The following AZI2 variants were observed in gnomAD, a reference collection of about 807,000 sequenced individuals.
AZI2 encodes the protein 5-azacytidine induced 2, also known as 5-azacytidine-induced protein 2.
A neutral mutation model predicts 45.8 loss-of-function variants in AZI2; 22 were observed. The observed-to-expected ratio is 0.48, with a 90% CI of 0.34 to 0.69. The LOEUF is 0.69. Among genes scored for constraint, AZI2 ranks in the 30% least tolerant of loss-of-function variants. AZI2 has a pLI of 0.01. For missense variants in AZI2, 417 were observed against 441.5 expected (o/e 0.94, Z 0.50); for synonymous variants, 137 against 156.7 (o/e 0.87, Z 0.94).
chr3:28,337,883 A>G, intron 4 of AZI2, 54 bp downstream of exon 4: 6 of 1,182,394 alleles, frequency 5.1e-6, no homozygotes, highest in Non-Finnish European at 7.0e-6. Context: ...ATTACAAATA[A>G]ATGGAAAAAT....
intron 1 of AZI2, chr3:28,348,288 C>T (rs1704346700): frequency 6.6e-6 from 1 of 151,424 alleles, no homozygotes; most frequent in Non-Finnish European, 1.5e-5. Flanking sequence ...TTAGCAGTCT[C>T]AATGAATGAA....
intron 2 of AZI2, 75 bp downstream of exon 2, chr3:28,340,327 A>C (rs1703961991): frequency 9.7e-7 from 1 of 1,028,178 alleles, no homozygotes; most frequent in Admixed American, 2.5e-5. Flanking sequence ...ACAGGACAAA[A>C]AGTATTCAAA....
chr3:28,337,893 T>TA, intron 4 of AZI2, 44 bp downstream of exon 4: 1 of 1,235,512 alleles, frequency 8.1e-7, no homozygotes, highest in East Asian at 2.6e-5. Context: ...AATGGAAAAA[T>TA]ATGTTAATTC....
chr3:28,335,768 G>A (rs1481719266), intron 5 of AZI2, among the ~76,000 whole-genome samples: 3 of 151,994 alleles, frequency 2.0e-5, no homozygotes, highest in Non-Finnish European at 4.4e-5. Flanking sequence ...CAGGAAGTAT[G>A]GGATGGAGTT....
Position 28,338,011 on chromosome 3 carries a change from TTC to T in AZI2, c.363_364del (p.Lys122SerfsTer4). ...AGATTGTAGCTGCTCATTCAATACT[TTC>T]AAAGATTCAGAGTTGTCTTTATTCT... On this transcript the variant is annotated frameshift_variant, in exon 4 of 8. Transcript: ENST00000479665. LOFTEE classifies it high-confidence loss of function. 6.3e-7 allele frequency: 1 copy of T among 1,591,978 alleles called. No homozygotes were observed. Among genetic ancestry groups the T allele is most frequent in the Non-Finnish European group, 8.6e-7 (1 of 1,167,954 alleles).
chr3:28,338,778 A>G (rs890866537), intron 2 of AZI2, among the ~76,000 whole-genome samples, 163 bp from the exon 3 acceptor site: 3 of 152,148 alleles, frequency 2.0e-5, no homozygotes, highest in African/African-American at 2.4e-5. Context: ...CTTTACATAG[A>G]AAGCAAAAAT....
chr3:28,343,343 A>AACT (rs781580561), intron 1 of AZI2, among the ~76,000 whole-genome samples: 42 of 151,978 alleles, frequency 2.8e-4, no homozygotes, highest in Non-Finnish European at 4.7e-4. Flanking sequence ...CAGGGGAACA[A>AACT]GTTCAAAGAT....
intron 6 of AZI2, among the ~76,000 whole-genome samples, chr3:28,327,355 TTA>T (rs1703424909): frequency 6.6e-6 from 1 of 151,124 alleles, no homozygotes; most frequent in African/African-American, 2.4e-5. Flanking sequence ...CAATTTGTAT[TTA>T]TCTTTTGATT....
chr3:28,327,131 A>G, intron 6 of AZI2, 181 bp from the exon 7 acceptor site: 1 of 540,280 alleles, frequency 1.9e-6, no homozygotes, highest in Non-Finnish European at 3.3e-6. Flanking sequence ...TCTTGAAAGA[A>G]TAACACTGTC....
At position 28,321,517 on chromosome 3, in the gene AZI2, A is replaced by G. The variant is rs1010379802; in HGVS notation, c.*2525T>C. ...GAATACCCATGTGTATCCATACTGA[A>G]GATTTTTTTCACCTGGTACATCTGT... On this transcript the variant is annotated 3_prime_UTR_variant, in exon 8 of 8. Transcript: ENST00000479665. 33 of 151,368 alleles carry G rather than the reference A, an allele frequency of 2.2e-4. No homozygotes were observed. The highest frequency in any genetic ancestry group is 7.5e-4 in the African/African-American group (31 of 41,350). The allele number at this position is 151,368 out of a possible 1,614,324, so 9.4% of individuals were successfully genotyped here.
intron 1 of AZI2, among the ~76,000 whole-genome samples, chr3:28,343,168 G>A (rs1167804576): frequency 6.6e-6 from 1 of 152,046 alleles, no homozygotes; most frequent in Non-Finnish European, 1.5e-5. Context: ...TGAAACAACA[G>A]AATGTTATGG....
At chr3:28,338,267 A>G (rs1316010541) in intron 3 of AZI2, among the ~76,000 whole-genome samples, 1 of 152,026 alleles carries the variant, frequency 6.6e-6, no homozygotes, top group African/African-American at 2.4e-5. Context: ...GTTTTTCAAA[A>G]TAAGTCGGTG....
intron 1 of AZI2, chr3:28,348,035 G>C (rs1239690148): frequency 6.6e-6 from 1 of 152,236 alleles, no homozygotes; most frequent in Non-Finnish European, 1.5e-5. Flanking sequence ...TCGCTTTCGA[G>C]TATTGGGGTT....
chr3:28,334,071 T>A (rs1353654533), intron 5 of AZI2, among the ~76,000 whole-genome samples: 1 of 151,562 alleles, frequency 6.6e-6, no homozygotes, highest in Middle Eastern at 3.4e-3. Context: ...AAAAGGCCCA[T>A]AGTGGAACTG....
At chr3:28,342,545 C>T (rs992562765) in intron 1 of AZI2, among the ~76,000 whole-genome samples, 5 of 152,022 alleles carry the variant, frequency 3.3e-5, no homozygotes, top group Non-Finnish European at 7.4e-5. Context: ...GTTTACTTTT[C>T]AGTCTCCAGA....
Position 28,344,322 on chromosome 3 carries a change from A to T in AZI2, c.-5-3700T>A, listed in dbSNP as rs1324849031. On this transcript the variant is annotated intron_variant, in intron 1 of 7. Transcript: ENST00000479665. ...TATCATATTAGTCTGTACAAACCAG[A>T]CTTCTGGAGAGTAAAAGCTACAGGT... 2.0e-5 allele frequency among the ~76,000 whole-genome samples: 3 copies of T among 152,198 alleles called. No individual in the cohort carries two copies. In the East Asian group the frequency reaches 5.8e-4, roughly 29 times the overall value.
At chr3:28,331,697 A>C in intron 6 of AZI2, 2 of 1,329,290 alleles carry the variant, frequency 1.5e-6, no homozygotes, top group East Asian at 5.4e-5. Flanking sequence ...AAGTCAGATC[A>C]GTATTTTTTA....
At chr3:28,333,567 T>C (rs1039885912) in intron 5 of AZI2, among the ~76,000 whole-genome samples, 5 of 151,746 alleles carry the variant, frequency 3.3e-5, no homozygotes, top group Non-Finnish European at 1.5e-5. Context: ...ACCTTCCTCA[T>C]TTTTAAAGCC....
rs2125626618 is a variant in AZI2, at chr3:28,321,690, T to C, written c.*2352A>G. The C allele has an allele frequency of 1.3e-5, 2 of 151,496 alleles. No individual in the cohort carries two copies. The highest frequency in any genetic ancestry group is 1.3e-4 in the Admixed American group (2 of 15,140). 9.4% of individuals were successfully genotyped at this position (151,496 alleles called of 1,614,324 possible). On this transcript the variant is annotated 3_prime_UTR_variant, in exon 8 of 8. Transcript: ENST00000479665. ...GATCAGTACTTTGTTGTCACATGATTCAGCTCTTCAAGTCTGAATTTTCCC... is the reference window on the plus strand; with the variant it reads ...GATCAGTACTTTGTTGTCACATGATCCAGCTCTTCAAGTCTGAATTTTCCC...
Sources: allele counts gnomAD v4.1 joint callset (sites outside exome capture counted in the v4.1 genomes callset), GRCh38; gene constraint gnomAD v4.1.1; transcripts MANE v1.5; gene names NCBI Gene and HGNC (gene_info 2026-07-23, HGNC 2026-07-21).